The following CAMSAP3 variants were observed in gnomAD, a reference collection of about 807,000 sequenced individuals.
CAMSAP3 encodes the protein calmodulin regulated spectrin associated protein family member 3, also known as calmodulin-regulated spectrin-associated protein 3.
CAMSAP3 carries 34 observed loss-of-function variants against 112.5 expected under a neutral mutation model. The ratio of observed to expected loss-of-function variants is 0.30; its 90% CI spans 0.23 to 0.40. The LOEUF is 0.40. Ranked by LOEUF, CAMSAP3 falls within the 10% of genes least tolerant of loss-of-function variation. The probability of loss-of-function intolerance (pLI) is 1.00; values close to 1 mark genes in which losing one functional copy is unlikely to be tolerated. For missense variants in CAMSAP3, 1,602 were observed against 1,770.3 expected (o/e 0.90, Z 1.71); for synonymous variants, 868 against 799.8 (o/e 1.09, Z -1.44).
rs2030865498 is a variant in CAMSAP3, at chr19:7,617,399, A to T, written c.3286A>T (p.Ser1096Cys). The T allele has an allele frequency of 6.2e-7, 1 of 1,614,088 alleles. No homozygotes were observed. The highest frequency in any genetic ancestry group is 1.3e-5 in the African/African-American group (1 of 75,044). Residue 1096 changes from serine (S) to cysteine (C), a missense_variant, in exon 15 of 17, where the codon AGC (serine) becomes TGC (cysteine). Physicochemically the swap from Ser to Cys is moderately radical, Grantham distance 112. Around this residue, in one of 6 missense-constraint regions of CAMSAP3, gnomAD observed 1,100 missense variants for 1,135.7 expected, o/e 0.97. Transcript: ENST00000160298. The surrounding 1 kb of genome is among the most constrained non-coding windows in gnomAD (Gnocchi z 7.5). ...CCGCGAACGGGACTGGGAAAATGGCAGCAATGCCTCCTCCCCAGCGTCAGT... is the reference window on the plus strand; with the variant it reads ...CCGCGAACGGGACTGGGAAAATGGCTGCAATGCCTCCTCCCCAGCGTCAGT... ...GSRERDWENG[S>C]NASSPASVPE...
At chr19:7,596,214 G>GC (rs1469787852) in intron 1 of CAMSAP3, 64 bp downstream of exon 1, 1 of 455,628 alleles carries the variant, frequency 2.2e-6, no homozygotes, top group Non-Finnish European at 2.9e-6. Flanking sequence ...GCTGGGGGGG[G>GC]GCGGGGCGCC....
At position 7,617,206 on chromosome 19, in the gene CAMSAP3, G is replaced by T. The variant is rs528453081; in HGVS notation, c.3213-120G>T. 1,287 of 745,390 alleles carry T rather than the reference G, an allele frequency of 1.7e-3. 2 individuals carry two copies. Among genetic ancestry groups the T allele is most frequent in the Admixed American group, 2.5e-3 (126 of 50,482 alleles). 46.2% of individuals were successfully genotyped at this position (745,390 alleles called of 1,614,324 possible). On this transcript the variant is annotated intron_variant, in intron 14 of 16. Transcript: ENST00000160298. This position sits in a 1 kb window ranked among gnomAD's most constrained non-coding sequence, Gnocchi z 7.5. ...TGCTGGGATTACAGGCATGAGCCACGATGCCCAGCCGTGGCCCTTATTTTC... is the reference window on the plus strand; with the variant it reads ...TGCTGGGATTACAGGCATGAGCCACTATGCCCAGCCGTGGCCCTTATTTTC...
At position 7,595,977 on chromosome 19, in the gene CAMSAP3, C is replaced by T. The variant is rs1295448431; in HGVS notation, c.-26C>T. On this transcript the variant is annotated 5_prime_UTR_variant, in exon 1 of 17. Coordinates refer to ENST00000160298, the MANE Select transcript of CAMSAP3 (RefSeq NM_020902.2). Reference sequence around the variant, plus strand: ...AGCCCAGCCCAGTCCGAGCGCGGACCCGGCGCCCGCAGCCCCGGCGCCGCC... The same window carrying T: ...AGCCCAGCCCAGTCCGAGCGCGGACTCGGCGCCCGCAGCCCCGGCGCCGCC... 2 of 1,048,176 alleles carry T rather than the reference C, an allele frequency of 1.9e-6. No homozygotes were observed. The highest frequency in any genetic ancestry group is 3.3e-5 in the South Asian group (1 of 30,646). The allele number at this position is 1,048,176 out of a possible 1,614,324, so 64.9% of individuals were successfully genotyped here. A position where few individuals can be genotyped will look rare whatever the true frequency, so the allele number is the denominator to read the frequency against.
intron 1 of CAMSAP3, among the ~76,000 whole-genome samples, chr19:7,601,404 C>T (rs993828839): frequency 6.6e-6 from 1 of 152,080 alleles, no homozygotes; most frequent in Non-Finnish European, 1.5e-5. Flanking sequence ...CCACAGCCTC[C>T]GTCTCCTGGG....
intron 5 of CAMSAP3, among the ~76,000 whole-genome samples, chr19:7,608,703 C>T (rs2030335323): frequency 2.0e-5 from 3 of 148,396 alleles, no homozygotes; most frequent in South Asian, 4.2e-4. Flanking sequence ...GGCATGATCT[C>T]GGCTCACTGC....
intron 1 of CAMSAP3, among the ~76,000 whole-genome samples, chr19:7,600,871 C>T (rs1412124436): frequency 1.3e-5 from 2 of 149,084 alleles, no homozygotes; most frequent in African/African-American, 2.5e-5. Flanking sequence ...TCCACCCACC[C>T]ATTCATCCAT....
In CAMSAP3 at chr19:7,608,149, G is replaced by A; in HGVS notation, c.645G>A (p.Val215=). ...AGATCCGATACCGCAAGGACCGTGT[G>A]GTGGCGCGACGTGCCCCCTGCTTCC... ...QPSIRYRKDR[V]VARRAPCFPT... is the part of the protein sequence containing the mutation. Residue 215 remains valine (V), a synonymous_variant, in exon 5 of 17, where the codon GTG becomes GTA. Transcript: ENST00000160298. The A allele has an allele frequency of 6.2e-7, 1 of 1,611,908 alleles. No homozygotes were observed. Among genetic ancestry groups the A allele is most frequent in the East Asian group, 2.2e-5 (1 of 44,874 alleles).
chr19:7,610,247 G>A lies in CAMSAP3; in HGVS notation c.761-229G>A, dbSNP rs369834320. On this transcript the variant is annotated intron_variant, in intron 5 of 16. Transcript: ENST00000160298. The surrounding 1 kb of genome is among the most constrained non-coding windows in gnomAD (Gnocchi z 4.9). ...GTGGGAGAATCACTTGAACCCGGGA[G>A]GCAGAGGTTGCAGTGAGCTGGGATT... is the stretch of plus-strand genomic sequence containing the variant. 5.8e-4 allele frequency among the ~76,000 whole-genome samples: 88 copies of A among 151,966 alleles called. No homozygotes were observed. Among genetic ancestry groups the A allele is most frequent in the Middle Eastern group, 6.8e-3 (2 of 294 alleles).
In CAMSAP3 at chr19:7,611,561, G is replaced by A; in HGVS notation, c.1168G>A (p.Gly390Ser). The change falls in exon 10 of 17, where the codon GGC becomes AGC. Residue 390 changes from glycine to serine, a missense_variant. Physicochemically the swap from Gly to Ser is moderately conservative, Grantham distance 56. Coordinates refer to ENST00000160298, the MANE Select transcript of CAMSAP3 (RefSeq NM_020902.2). This position sits in a 1 kb window ranked among gnomAD's most constrained non-coding sequence, Gnocchi z 6.9. ...GTCCATGTCCCATATGGAGGCCCTG[G>A]GCAAGGCCTGGAACCGGCAGCTCAG... is the stretch of plus-strand genomic sequence containing the variant. ...SPSMSHMEAL[G>S]KAWNRQLSRP... 6.2e-7 allele frequency: 1 copy of A among 1,612,562 alleles called. No individual in the cohort carries two copies. Among genetic ancestry groups the A allele is most frequent in the Non-Finnish European group, 8.5e-7 (1 of 1,179,802 alleles).
chr19:7,605,526 C>T (rs1245091232), intron 2 of CAMSAP3, 47 bp downstream of exon 2: 7 of 1,414,938 alleles, frequency 4.9e-6, no homozygotes, highest in Non-Finnish European at 6.4e-6. Context: ...ATGCTCAGCT[C>T]CTCCCCTCAA....
At chr19:7,605,147 G>GGTGTGTGTGTGGGTGTGT in intron 1 of CAMSAP3, 79 bp from the exon 2 acceptor site, 1 of 623,268 alleles carries the variant, frequency 1.6e-6, no homozygotes, top group Non-Finnish European at 2.6e-6. Context: ...CGGGCCATGT[G>GGTGTGTGTGTGGGTGTGT]GTGTGTGTGT....
Position 7,618,149 on chromosome 19 carries a change from C to A in CAMSAP3, c.*92C>A. On this transcript the variant is annotated 3_prime_UTR_variant, in exon 17 of 17. Transcript: ENST00000160298. ...GTCGGTATTCCTGGGTCCTGTCTGT[C>A]CCCAACCGTGTCTGGGTGGGGCTGG... The A allele has an allele frequency of 7.1e-7, 1 of 1,400,078 alleles. No individual in the cohort carries two copies. Among genetic ancestry groups the A allele is most frequent in the Non-Finnish European group, 9.7e-7 (1 of 1,035,240 alleles). The allele number at this position is 1,400,078 out of a possible 1,614,324, so 86.7% of individuals were successfully genotyped here. A position where few individuals can be genotyped will look rare whatever the true frequency, so the allele number is the denominator to read the frequency against.
intron 4 of CAMSAP3, 81 bp downstream of exon 4, chr19:7,606,652 T>G (rs2030242497): frequency 8.4e-6 from 13 of 1,542,040 alleles, no homozygotes; most frequent in Non-Finnish European, 1.1e-5. Flanking sequence ...TGGACACTCC[T>G]GAAGTGGGGA....
At chr19:7,598,728 A>C (rs1042632637) in intron 1 of CAMSAP3, among the ~76,000 whole-genome samples, 1 of 151,804 alleles carries the variant, frequency 6.6e-6, no homozygotes, top group Non-Finnish European at 1.5e-5. Context: ...CGGAGGTTGC[A>C]GTGAGCCGAG....
In CAMSAP3 at chr19:7,610,119, C is replaced by A. The variant is rs2146168676; in HGVS notation, c.761-357C>A. 6.6e-6 allele frequency among the ~76,000 whole-genome samples: 1 copy of A among 152,084 alleles called. No individual in the cohort carries two copies. Among genetic ancestry groups the A allele is most frequent in the South Asian group, 2.1e-4 (1 of 4,806 alleles). On this transcript the variant is annotated intron_variant, in intron 5 of 16. Transcript: ENST00000160298. The surrounding 1 kb of genome is among the most constrained non-coding windows in gnomAD (Gnocchi z 4.9). ...GGATCATGAAGTCAGGAGATCGAGA[C>A]CATCCTGGCTAACACGGTGAAACCC...
chr19:7,606,608 GA>G, intron 4 of CAMSAP3, 37 bp downstream of exon 4: 2 of 1,517,924 alleles, frequency 1.3e-6, no homozygotes, highest in Non-Finnish European at 1.8e-6. Flanking sequence ...AAGGATGGGG[GA>G]CCGGAGATCT....
intron 14 of CAMSAP3, among the ~76,000 whole-genome samples, chr19:7,617,000 G>A (rs1343029803): frequency 6.9e-6 from 1 of 145,754 alleles, no homozygotes; most frequent in Non-Finnish European, 1.5e-5. Context: ...CCAGGCTGGA[G>A]TGCAGTGGCG....
Position 7,611,020 on chromosome 19 carries a change from T to C in CAMSAP3, c.1050-75T>C. The C allele has an allele frequency of 1.6e-5, 26 of 1,593,162 alleles. No individual in the cohort carries two copies. The highest frequency in any genetic ancestry group is 2.1e-5 in the Non-Finnish European group (25 of 1,163,486). Reference sequence around the variant, plus strand: ...TGAGCACTGGGACGCAGCTGGGTGATGCTGTTGTCTCCCCCCGGGGAGAGG... The same window carrying C: ...TGAGCACTGGGACGCAGCTGGGTGACGCTGTTGTCTCCCCCCGGGGAGAGG... On this transcript the variant is annotated intron_variant, in intron 8 of 16. Transcript: ENST00000160298. This position sits in a 1 kb window ranked among gnomAD's most constrained non-coding sequence, Gnocchi z 6.9.
Position 7,605,446 on chromosome 19 carries a change from C to T in CAMSAP3, c.369C>T (p.Arg123=), listed in dbSNP as rs372762687. 244 of 1,457,286 alleles carry T rather than the reference C, an allele frequency of 1.7e-4. 2 individuals carry two copies. In the East Asian group the frequency reaches 3.8e-3, roughly 23 times the overall value. The allele number at this position is 1,457,286 out of a possible 1,614,324, so 90.3% of individuals were successfully genotyped here. Residue 123 remains arginine, a synonymous_variant, in exon 2 of 17, where the codon CGC becomes CGT. Transcript: ENST00000160298. ...CTGCTTTGCCCGAGCGCCCGGTGCG[C>T]GAGGCCGACCTGAGGCACCAGCCCA... ...TVPALPERPV[R]EADLRHQPIL... is the part of the protein sequence containing the mutation.
Sources: allele counts gnomAD v4.1 joint callset (sites outside exome capture counted in the v4.1 genomes callset), GRCh38; gene constraint gnomAD v4.1.1; regional missense constraint gnomAD v4.1.1; non-coding constraint Gnocchi (gnomAD v3.1); transcripts MANE v1.5; gene names NCBI Gene and HGNC (gene_info 2026-07-23, HGNC 2026-07-21).